The following ATRNL1 variants were observed in gnomAD, a reference collection of about 807,000 sequenced individuals.
ATRNL1 encodes attractin-like protein 1.
In ATRNL1, 95 loss-of-function variants were observed where a neutral mutation model predicts 182.7. That is an observed-to-expected ratio of 0.52 (90% confidence interval 0.44 to 0.62). The LOEUF (loss-of-function observed/expected upper bound fraction) is 0.62, where lower values mean the gene tolerates loss of function less well. Among genes scored for constraint, ATRNL1 ranks in the 20% least tolerant of loss-of-function variants. The probability of loss-of-function intolerance (pLI) is 0.00; values close to 1 mark genes in which losing one functional copy is unlikely to be tolerated. For missense variants in ATRNL1, 1,471 were observed against 1,679.5 expected (o/e 0.88, Z 2.17); for synonymous variants, 576 against 568.3 (o/e 1.01, Z -0.19).
intron 27 of ATRNL1, among the ~76,000 whole-genome samples, chr10:115,768,487 C>A (rs1380742214): frequency 6.6e-6 from 1 of 152,012 alleles, no homozygotes; most frequent in Non-Finnish European, 1.5e-5. Context: ...ACCTTTGAAA[C>A]CTAATTACAT....
intron 1 of ATRNL1, among the ~76,000 whole-genome samples, chr10:115,096,174 C>G (rs1277461509): frequency 6.6e-6 from 1 of 152,154 alleles, no homozygotes; most frequent in Non-Finnish European, 1.5e-5. Context: ...GAGTATTCAT[C>G]TTTTCCTTGG....
intron 27 of ATRNL1, among the ~76,000 whole-genome samples, chr10:115,818,621 A>G (rs1950222437): frequency 6.6e-6 from 1 of 152,118 alleles, no homozygotes; most frequent in African/African-American, 2.4e-5. Context: ...ACAGTTCTTC[A>G]CATCTCTAAT....
Position 115,100,044 on chromosome 10 carries a change from C to T in ATRNL1, c.293+6001C>T, listed in dbSNP as rs576918341. 2.6e-4 allele frequency among the ~76,000 whole-genome samples: 39 copies of T among 152,200 alleles called. 1 individual carries two copies. The highest frequency in any genetic ancestry group is 7.7e-4 in the African/African-American group (32 of 41,534). ...CTGTGGCTCATGTGTGTAATCCCAGCGCTTTGGGAGCCTGAGACAGGAGGA... is the reference window on the plus strand; with the variant it reads ...CTGTGGCTCATGTGTGTAATCCCAGTGCTTTGGGAGCCTGAGACAGGAGGA... On this transcript the variant is annotated intron_variant, in intron 1 of 28. Coordinates refer to ENST00000355044, the MANE Select transcript of ATRNL1 (RefSeq NM_207303.4).
chr10:115,772,033 A>G lies in ATRNL1; in HGVS notation c.3903+44678A>G, dbSNP rs868936555. Among the ~76,000 whole-genome samples the G allele has an allele frequency of 2.6e-5, 4 of 152,320 alleles. 1 individual carries two copies. The Middle Eastern group carries it at 0.014, about 518-fold the overall frequency. On this transcript the variant is annotated intron_variant, in intron 27 of 28. Transcript: ENST00000355044. ...TGAACACCATCTTAAGTTGTACTTTAAGTCAGGATAGACAGTCCTTACAAG... is the reference window on the plus strand; with the variant it reads ...TGAACACCATCTTAAGTTGTACTTTGAGTCAGGATAGACAGTCCTTACAAG...
At chr10:115,768,462 C>T (rs552572088) in intron 27 of ATRNL1, among the ~76,000 whole-genome samples, 1 of 152,154 alleles carries the variant, frequency 6.6e-6, no homozygotes, top group South Asian at 2.1e-4. Context: ...AATTTGATAC[C>T]TAATTACCTT....
chr10:115,473,105 T>A (rs1554972430), intron 24 of ATRNL1, among the ~76,000 whole-genome samples: 1 of 151,312 alleles, frequency 6.6e-6, no homozygotes, highest in African/African-American at 2.4e-5. Context: ...GATGATCATA[T>A]AATTTTTGTC....
chr10:115,384,776 A>T (rs1237551911), intron 19 of ATRNL1, among the ~76,000 whole-genome samples: 1 of 151,634 alleles, frequency 6.6e-6, no homozygotes, highest in Admixed American at 6.6e-5. Flanking sequence ...TGTATTTGTT[A>T]TTTCTAAAGT....
chr10:115,340,276 G>A (rs1461408116), intron 19 of ATRNL1, among the ~76,000 whole-genome samples: 1 of 151,984 alleles, frequency 6.6e-6, no homozygotes, highest in Non-Finnish European at 1.5e-5. Context: ...CCAAGTAGCT[G>A]GGACTGCAGG....
intron 24 of ATRNL1, among the ~76,000 whole-genome samples, chr10:115,486,404 A>G (rs1289270956): frequency 6.6e-6 from 1 of 152,154 alleles, no homozygotes; most frequent in African/African-American, 2.4e-5. Flanking sequence ...CCTCTCCAGC[A>G]TCTGTCGTTT....
chr10:115,852,252 C>CT (rs1565436218), intron 28 of ATRNL1, among the ~76,000 whole-genome samples: 4 of 151,988 alleles, frequency 2.6e-5, no homozygotes, highest in Non-Finnish European at 5.9e-5. Flanking sequence ...AGAATACTGC[C>CT]AGAAAGTCTA....
chr10:115,293,500 G>T (rs1592393423), intron 15 of ATRNL1, among the ~76,000 whole-genome samples: 1 of 151,708 alleles, frequency 6.6e-6, no homozygotes, highest in African/African-American at 2.4e-5. Flanking sequence ...ATGGCTTTTT[G>T]TAGTGATATG....
intron 20 of ATRNL1, among the ~76,000 whole-genome samples, chr10:115,422,466 A>G (rs1464387947): frequency 1.3e-5 from 2 of 152,212 alleles, no homozygotes; most frequent in East Asian, 3.8e-4. Context: ...CATTAGAGAA[A>G]TGCAAATCAG....
intron 26 of ATRNL1, among the ~76,000 whole-genome samples, chr10:115,667,372 G>A (rs569356944): frequency 1.6e-4 from 24 of 152,206 alleles, no homozygotes; most frequent in East Asian, 5.8e-4. Context: ...GGTTTTCTGC[G>A]TTAATAAGTA....
At chr10:115,428,437 T>A (rs1173085394) in intron 21 of ATRNL1, among the ~76,000 whole-genome samples, 3 of 152,062 alleles carry the variant, frequency 2.0e-5, no homozygotes, top group Non-Finnish European at 4.4e-5. Flanking sequence ...GTTGAAAAGA[T>A]GTGAACATGA....
intron 19 of ATRNL1, among the ~76,000 whole-genome samples, chr10:115,341,390 T>A (rs1554938302): frequency 6.6e-6 from 1 of 152,188 alleles, no homozygotes; most frequent in African/African-American, 2.4e-5. Flanking sequence ...TTATTTCAGT[T>A]TTTTTCAATG....
chr10:115,322,659 T>C (rs1854641945), intron 18 of ATRNL1, among the ~76,000 whole-genome samples: 1 of 152,154 alleles, frequency 6.6e-6, no homozygotes, highest in African/African-American at 2.4e-5. Context: ...CAACTTCCTT[T>C]AGTATTTCTT....
intron 26 of ATRNL1, among the ~76,000 whole-genome samples, chr10:115,685,248 T>A (rs184931729): frequency 1.1e-3 from 167 of 151,828 alleles, no homozygotes; most frequent in Non-Finnish European, 1.5e-3. Context: ...AATCAAGAAG[T>A]TAGAACTCCT....
At chr10:115,172,367 A>C (rs183935474) in intron 8 of ATRNL1, among the ~76,000 whole-genome samples, 1 of 146,562 alleles carries the variant, frequency 6.8e-6, no homozygotes, top group Non-Finnish European at 1.6e-5. Context: ...TTGCTCTCAG[A>C]TGGCTGTGTT....
chr10:115,758,562 G>A (rs985849347), intron 27 of ATRNL1, among the ~76,000 whole-genome samples: 4 of 152,304 alleles, frequency 2.6e-5, no homozygotes, highest in Admixed American at 6.5e-5. Context: ...GGTGTCTGTC[G>A]GCTCCTACTG....
Sources: allele counts gnomAD v4.1 joint callset (sites outside exome capture counted in the v4.1 genomes callset), GRCh38; gene constraint gnomAD v4.1.1; transcripts MANE v1.5; gene names NCBI Gene and HGNC (gene_info 2026-07-23, HGNC 2026-07-21).